The following KRT32 variants were observed in gnomAD, a reference collection of about 807,000 sequenced individuals.
The protein encoded by KRT32 is keratin 32.
A neutral mutation model predicts 41.8 loss-of-function variants in KRT32; 44 were observed. The observed-to-expected ratio is 1.05, with a 90% CI of 0.83 to 1.35. KRT32 has a LOEUF of 1.35. Ranked by LOEUF, KRT32 falls within the 40% of genes most tolerant of loss-of-function variation. The probability of loss-of-function intolerance (pLI) is 0.00; values close to 1 mark genes in which losing one functional copy is unlikely to be tolerated. For synonymous variants in KRT32, 238 were observed against 242.5 expected (o/e 0.98, Z 0.17); for missense variants, 576 against 584.6 (o/e 0.99, Z 0.15).
At chr17:41,463,215 G>A (rs2019024933) in intron 5 of KRT32, among the ~76,000 whole-genome samples, 165 bp from the exon 6 acceptor site, 1 of 152,216 alleles carries the variant, frequency 6.6e-6, no homozygotes, top group African/African-American at 2.4e-5. Flanking sequence ...ACTTGTTCAA[G>A]GGTAAACAGC....
intron 5 of KRT32, among the ~76,000 whole-genome samples, chr17:41,463,560 C>T (rs1460601677): frequency 6.6e-6 from 1 of 152,180 alleles, no homozygotes; most frequent in Non-Finnish European, 1.5e-5. Flanking sequence ...CAAACATTAG[C>T]AGGGCATAGT....
rs1447910264 is a variant in KRT32 at position 41,465,781 on chromosome 17, G to A, written c.700C>T (p.His234Tyr). The A allele has an allele frequency of 6.2e-7, 1 of 1,610,566 alleles. No individual in the cohort carries two copies. Among genetic ancestry groups the A allele is most frequent in the Admixed American group, 1.7e-5 (1 of 59,660 alleles). The change falls in exon 3 of 7, where the codon CAT (histidine) becomes TAT (tyrosine). Residue 234 changes from histidine to tyrosine, a missense_variant. His to Tyr is a moderately conservative substitution (Grantham distance 83). Coordinates refer to ENST00000225899, the MANE Select transcript of KRT32 (RefSeq NM_002278.3). ...KEELMCLKKN[H>Y]EEEVGSLRCQ... Reference sequence around the variant, plus strand: ...GGGACTTCCAGCCTCACCTCCTCATGGTTCTTTTTGAGGCACATCAGCTCC... The same window carrying A: ...GGGACTTCCAGCCTCACCTCCTCATAGTTCTTTTTGAGGCACATCAGCTCC...
rs577867282 is a variant in KRT32 at position 41,466,638 on chromosome 17, C to T, written c.468+220G>A. On this transcript the variant is annotated intron_variant, in intron 1 of 6. Coordinates refer to ENST00000225899, the MANE Select transcript of KRT32 (RefSeq NM_002278.3). ...AGGCCTGGGGAAGGGATGGGACCCC[C>T]AAAGTCATGCAATGAGGCAATGGTA... is the stretch of plus-strand genomic sequence containing the variant. 5.3e-5 allele frequency among the ~76,000 whole-genome samples: 8 copies of T among 152,278 alleles called. No homozygotes were observed. The South Asian group carries it at 1.7e-3, about 32-fold the overall frequency.
At position 41,466,161 on chromosome 17, in the gene KRT32, C is replaced by T. The variant is rs139946346; in HGVS notation, c.484G>A (p.Ala162Thr). 4.3e-6 allele frequency: 7 copies of T among 1,614,044 alleles called. No homozygotes were observed. In the African/African-American group the frequency reaches 5.3e-5, roughly 12 times the overall value. The part of the protein sequence containing the change: ...ELQQKILCTK[A>T]ENARMVVNID... ...TTCACAACCATCCTGGCATTCTCTGCCTTGGTACACAGAATCTGTAGGCCA... is the reference window on the plus strand; with the variant it reads ...TTCACAACCATCCTGGCATTCTCTGTCTTGGTACACAGAATCTGTAGGCCA... Residue 162 changes from alanine to threonine, a missense_variant, in exon 2 of 7, where the codon GCA becomes ACA. By Grantham distance (58) the Ala-to-Thr change is moderately conservative. Coordinates refer to ENST00000225899, the MANE Select transcript of KRT32 (RefSeq NM_002278.3).
chr17:41,460,082 C>T lies in KRT32; in HGVS notation c.*28G>A. ...ATACCAGGCTGCCCAGCCCCAGGCC[C>T]TCCAGGATCCACTGGCACAAAGGGA... On this transcript the variant is annotated 3_prime_UTR_variant, in exon 7 of 7. Transcript: ENST00000225899. 6.3e-7 allele frequency: 1 copy of T among 1,576,592 alleles called. No individual in the cohort carries two copies. Among genetic ancestry groups the T allele is most frequent in the African/African-American group, 1.3e-5 (1 of 74,382 alleles).
chr17:41,466,812 C>T (rs776004696), intron 1 of KRT32, 46 bp downstream of exon 1: 1 of 1,402,206 alleles, frequency 7.1e-7, no homozygotes, highest in Admixed American at 1.8e-5. Context: ...GCCAGCTAGT[C>T]CAGTTCCCTT....
chr17:41,466,048 T>C (rs2019063992), intron 2 of KRT32, 46 bp downstream of exon 2: 5 of 1,608,680 alleles, frequency 3.1e-6, no homozygotes, highest in Non-Finnish European at 4.3e-6. Flanking sequence ...CCCCAGAGCC[T>C]ATGAGGACAG....
rs2019075822 is a variant in KRT32 at position 41,466,992 on chromosome 17, T to A, written c.334A>T (p.Thr112Ser). The A allele has an allele frequency of 6.2e-7, 1 of 1,614,134 alleles. No homozygotes were observed. Among genetic ancestry groups the A allele is most frequent in the South Asian group, 1.1e-5 (1 of 91,094 alleles). The change falls in exon 1 of 7, where the codon ACG becomes TCG. Residue 112 changes from threonine (T) to serine (S), a missense_variant. By Grantham distance (58) the Thr-to-Ser change is moderately conservative (BLOSUM62 1). Transcript: ENST00000225899. ...FLNDRLASYL[T>S]RVRQLEQENA... ...TCCTGCTCCAGCTGCCGCACCCTCGTCAGGTAGCTGGCCAGGCGGTCGTTA... is the reference window on the plus strand; with the variant it reads ...TCCTGCTCCAGCTGCCGCACCCTCGACAGGTAGCTGGCCAGGCGGTCGTTA...
chr17:41,465,705 C>T, intron 3 of KRT32, 68 bp downstream of exon 3: 1 of 1,530,638 alleles, frequency 6.5e-7, no homozygotes. Context: ...CACGCCTATC[C>T]AACCCCATAC....
chr17:41,461,035 C>T (rs2018997440), intron 6 of KRT32, among the ~76,000 whole-genome samples: 1 of 152,158 alleles, frequency 6.6e-6, no homozygotes, highest in South Asian at 2.1e-4. Context: ...GGCTTGTGCC[C>T]TGTGCCGTAC....
At chr17:41,466,331 C>T (rs1408931954) in intron 1 of KRT32, among the ~76,000 whole-genome samples, 155 bp from the exon 2 acceptor site, 3 of 152,202 alleles carry the variant, frequency 2.0e-5, no homozygotes, top group Non-Finnish European at 2.9e-5. Context: ...AGATATTTAG[C>T]GAATTGCTAG....
intron 2 of KRT32, 76 bp downstream of exon 2, chr17:41,466,018 G>A (rs760841408): frequency 8.1e-5 from 129 of 1,600,796 alleles, no homozygotes; most frequent in Non-Finnish European, 9.7e-5. Flanking sequence ...CCAACCCTCC[G>A]TGAAACTAAT....
chr17:41,466,283 C>A, intron 1 of KRT32, 107 bp from the exon 2 acceptor site: 1 of 839,092 alleles, frequency 1.2e-6, no homozygotes, highest in South Asian at 1.5e-5. Flanking sequence ...AGCCCTGCAG[C>A]CATCCCTGCA....
At chr17:41,460,487 C>T (rs1220204522) in intron 6 of KRT32, among the ~76,000 whole-genome samples, 4 of 152,158 alleles carry the variant, frequency 2.6e-5, no homozygotes, top group Non-Finnish European at 5.9e-5. Flanking sequence ...TCTACAGTCA[C>T]AAATCCAATT....
At chr17:41,460,905 C>T (rs939744692) in intron 6 of KRT32, among the ~76,000 whole-genome samples, 6 of 152,080 alleles carry the variant, frequency 3.9e-5, no homozygotes, top group Non-Finnish European at 5.9e-5. Flanking sequence ...TTAATAGGAC[C>T]TGCATGATCC....
rs530213043 is a variant in KRT32 at position 41,466,933 on chromosome 17, G to A, written c.393C>T (p.Ala131=). Residue 131 remains alanine, a synonymous_variant, in exon 1 of 7, where the codon GCC becomes GCT. Coordinates refer to ENST00000225899, the MANE Select transcript of KRT32 (RefSeq NM_002278.3). ...TCATGGTGAGCACCTGGGAGTGAGA[G>A]GCCTCTTGGATCCTGCTCTCCAGCT... ...NAELESRIQE[A]SHSQVLTMTP... is the part of the protein sequence containing the mutation. 1.2e-6 allele frequency: 2 copies of A among 1,614,230 alleles called. No homozygotes were observed. The highest frequency in any genetic ancestry group is 2.2e-5 in the East Asian group (1 of 44,880).
intron 1 of KRT32, 77 bp from the exon 2 acceptor site, chr17:41,466,253 C>A: frequency 1.6e-6 from 2 of 1,230,362 alleles, no homozygotes; most frequent in East Asian, 2.4e-5. Flanking sequence ...GAGAAGACAG[C>A]AGCAAAGGTA....
intron 6 of KRT32, among the ~76,000 whole-genome samples, chr17:41,461,444 C>T (rs1005414994): frequency 1.3e-5 from 2 of 152,204 alleles, no homozygotes; most frequent in Admixed American, 6.5e-5. Context: ...CTCAGAGAAC[C>T]AATGGGAGGC....
At position 41,464,333 on chromosome 17, in the gene KRT32, C is replaced by A; in HGVS notation, c.819G>T (p.Glu273Asp). 1 of 1,612,094 alleles carries A rather than the reference C, an allele frequency of 6.2e-7. No individual in the cohort carries two copies. ...RVLEEMRCQY[E>D]AMVEANRRDV... ...CCCTGCGGTTGGCCTCCACCATGGC[C>A]TCGTACTGACACCGCATCTCCTCCA... The change falls in exon 4 of 7, where the codon GAG (glutamate) becomes GAT (aspartate). Residue 273 changes from glutamate (E) to aspartate (D), a missense_variant. By Grantham distance (45) the Glu-to-Asp change is conservative. Transcript: ENST00000225899.
Sources: gnomAD v4.1 joint callset for allele counts (sites outside exome capture counted in the v4.1 genomes callset) on GRCh38, gnomAD v4.1.1 for gene constraint, MANE v1.5 for transcripts, NCBI Gene and HGNC (gene_info 2026-07-23, HGNC 2026-07-21) for gene names.